The following SETD5 variants were observed in gnomAD, a reference collection of about 807,000 sequenced individuals.
SETD5 encodes the protein SET domain containing 5, also known as histone-lysine N-methyltransferase SETD5.
SETD5 carries 44 observed loss-of-function variants against 153.3 expected under a neutral mutation model. The ratio of observed to expected loss-of-function variants is 0.29; its 90% CI spans 0.23 to 0.37. SETD5 has a LOEUF of 0.37. Ranked by LOEUF, SETD5 falls within the 10% of genes least tolerant of loss-of-function variation. SETD5 has a pLI of 1.00. For missense variants in SETD5, 1,544 were observed against 1,768.0 expected, an observed-to-expected ratio of 0.87 and a Z score of 2.27; for synonymous variants, 716 against 645.2, an observed-to-expected ratio of 1.11 and a Z score of -1.66.
intron 2 of SETD5, among the ~76,000 whole-genome samples, chr3:9,427,311 G>C (rs979064686): frequency 1.3e-5 from 2 of 152,214 alleles, no homozygotes; most frequent in Non-Finnish European, 2.9e-5. Context: ...CACTTTGAGA[G>C]GCTGAGGTGT....
At chr3:9,401,588 A>G (rs1429612586) in intron 1 of SETD5, among the ~76,000 whole-genome samples, 1 of 152,228 alleles carries the variant, frequency 6.6e-6, no homozygotes, top group African/African-American at 2.4e-5. Flanking sequence ...AATAAAGTGC[A>G]AAGTACAGAT....
intron 1 of SETD5, among the ~76,000 whole-genome samples, chr3:9,415,370 T>A: frequency 6.6e-6 from 1 of 152,140 alleles, no homozygotes; most frequent in South Asian, 2.1e-4. Context: ...AGTTAAATAT[T>A]TTTAATGCTT....
rs1559433312 is a variant in SETD5, at chr3:9,447,214, T to C, written c.1689T>C (p.Pro563=). The change falls in exon 14 of 23, where the codon CCT becomes CCC. Residue 563 remains proline, a synonymous_variant. Transcript: ENST00000402198. ...GTGAAGAGACAAAAACTGAAGCCCC[T>C]GAATCTGAAGTTAGCAACTCTGTTT... is the stretch of plus-strand genomic sequence containing the variant. ...PVGEETKTEA[P]ESEVSNSVSN... is the part of the protein sequence containing the mutation. 6.2e-7 allele frequency: 1 copy of C among 1,614,014 alleles called. No individual in the cohort carries two copies. The highest frequency in any genetic ancestry group is 1.3e-5 in the African/African-American group (1 of 75,050).
intron 17 of SETD5, among the ~76,000 whole-genome samples, chr3:9,461,258 A>C (rs2043923722): frequency 6.6e-6 from 1 of 152,198 alleles, no homozygotes; most frequent in Non-Finnish European, 1.5e-5. Flanking sequence ...AATGAAAAAA[A>C]AGTTGGTTAA....
In SETD5 at chr3:9,475,840, T is replaced by G; in HGVS notation, c.4078T>G (p.Ser1360Ala). 1 of 1,614,014 alleles carries G rather than the reference T, an allele frequency of 6.2e-7. No individual in the cohort carries two copies. Among genetic ancestry groups the G allele is most frequent in the Non-Finnish European group, 8.5e-7 (1 of 1,179,894 alleles). ...QGPSDSPTSDSVSQSSTGTLS... is the reference protein window; with the variant it reads ...QGPSDSPTSDAVSQSSTGTLS... ...ACCCTCAGACTCGCCAACCTCAGAT[T>G]CAGTTTCTCAGTCCAGCACAGGAAC... Residue 1360 changes from serine to alanine, a missense_variant, in exon 23 of 23, where the codon TCA becomes GCA. Physicochemically the swap from Ser to Ala is moderately conservative, Grantham distance 99. Around this residue, in one of 9 missense-constraint regions of SETD5, gnomAD observed 302 missense variants for 277.6 expected, o/e 1.09. Coordinates refer to ENST00000402198, the MANE Select transcript of SETD5 (RefSeq NM_001080517.3).
At chr3:9,454,641 A>AAAAAAAC (rs2043011743) in intron 17 of SETD5, among the ~76,000 whole-genome samples, 2 of 151,356 alleles carry the variant, frequency 1.3e-5, no homozygotes, top group Non-Finnish European at 3.0e-5. Context: ...AAAAAAAAAA[A>AAAAAAAC]AAAAAAAAAC....
chr3:9,445,977 T>TG (rs1162335470), intron 13 of SETD5, among the ~76,000 whole-genome samples: 3 of 147,390 alleles, frequency 2.0e-5, no homozygotes, highest in Admixed American at 2.0e-4. Context: ...TTTTTTTTTT[T>TG]TTTTTTTTTT....
intron 18 of SETD5, chr3:9,468,711 A>T: frequency 1.7e-6 from 1 of 597,292 alleles, no homozygotes; most frequent in Non-Finnish European, 2.8e-6. Context: ...CAGTCACAGT[A>T]AGTTGAATGA....
intron 1 of SETD5, among the ~76,000 whole-genome samples, chr3:9,416,232 T>C (rs1559364399): frequency 6.6e-6 from 1 of 152,188 alleles, no homozygotes; most frequent in Non-Finnish European, 1.5e-5. Flanking sequence ...GATTGCTCAC[T>C]AAAAATAAGA....
intron 17 of SETD5, among the ~76,000 whole-genome samples, chr3:9,460,926 G>C (rs897671443): frequency 6.6e-6 from 1 of 152,114 alleles, no homozygotes; most frequent in South Asian, 2.1e-4. Context: ...GGGTGGGTTA[G>C]CAAAGACATG....
intron 7 of SETD5, 93 bp downstream of exon 7, chr3:9,435,999 T>G: frequency 7.7e-7 from 1 of 1,293,956 alleles, no homozygotes; most frequent in Non-Finnish European, 1.1e-6. Flanking sequence ...AGAAGTTTGA[T>G]CCAGGTGTTT....
chr3:9,446,585 C>T (rs986330015), intron 13 of SETD5, among the ~76,000 whole-genome samples: 5 of 151,822 alleles, frequency 3.3e-5, no homozygotes, highest in African/African-American at 7.3e-5. Flanking sequence ...CTCTGCCTCC[C>T]GGGTTCAAGC....
chr3:9,427,181 C>T (rs1575329941), intron 2 of SETD5, among the ~76,000 whole-genome samples: 1 of 152,312 alleles, frequency 6.6e-6, no homozygotes, highest in East Asian at 1.9e-4. Context: ...CCACTGCACC[C>T]AGCCCACAAT....
intron 7 of SETD5, among the ~76,000 whole-genome samples, chr3:9,438,837 G>A (rs942181709): frequency 1.6e-4 from 24 of 152,238 alleles, no homozygotes; most frequent in East Asian, 5.8e-4. Context: ...CTAGATGCCG[G>A]TAACACTCAT....
At chr3:9,419,038 G>T (rs2037981076) in intron 1 of SETD5, among the ~76,000 whole-genome samples, 1 of 151,964 alleles carries the variant, frequency 6.6e-6, no homozygotes, top group Non-Finnish European at 1.5e-5. Context: ...TCTTGGCCAG[G>T]CTGGTCTCAA....
At chr3:9,413,649 G>GGGGTGTGTGT (rs200761097) in intron 1 of SETD5, among the ~76,000 whole-genome samples, 9 of 140,366 alleles carry the variant, frequency 6.4e-5, no homozygotes, top group Non-Finnish European at 9.3e-5. Context: ...GGGGAGGCGG[G>GGGGTGTGTGT]GTGTGTGTGT....
In SETD5 at chr3:9,434,809, A is replaced by T. The variant is rs961783088; in HGVS notation, c.330-15A>T. 49 of 1,609,964 alleles carry T rather than the reference A, an allele frequency of 3.0e-5. No individual in the cohort carries two copies. Among genetic ancestry groups the T allele is most frequent in the Non-Finnish European group, 3.9e-5 (46 of 1,178,318 alleles). On this transcript the variant is annotated splice_polypyrimidine_tract_variant and intron_variant, in intron 5 of 22. Transcript: ENST00000402198. The surrounding 1 kb of genome is among the most constrained non-coding windows in gnomAD (Gnocchi z 5.6). ...CTGTTGGAAGGACTACTTTAAGTTT[A>T]TTTTCCCTCTTTAGGGGAATGAGCA...
chr3:9,474,852 A>T (rs1427029378), intron 21 of SETD5: 5 of 619,590 alleles, frequency 8.1e-6, no homozygotes, highest in Non-Finnish European at 1.1e-5. Context: ...TCGATGAAGG[A>T]TGAAGAGAAA....
intron 20 of SETD5, 30 bp from the exon 21 acceptor site, chr3:9,474,419 G>T (rs372730964): frequency 3.7e-6 from 6 of 1,610,756 alleles, no homozygotes; most frequent in Non-Finnish European, 4.2e-6. Flanking sequence ...AAGTCCTGTG[G>T]CTTGAACTTG....
Sources: gnomAD v4.1 joint callset for allele counts (sites outside exome capture counted in the v4.1 genomes callset) on GRCh38, gnomAD v4.1.1 for gene constraint, gnomAD v4.1.1 regional missense constraint, Gnocchi (gnomAD v3.1) non-coding constraint, MANE v1.5 for transcripts, NCBI Gene and HGNC (gene_info 2026-07-23, HGNC 2026-07-21) for gene names.